The following ASH1L variants were observed in gnomAD, a reference collection of about 807,000 sequenced individuals.
The protein encoded by ASH1L is histone-lysine N-methyltransferase ASH1L.
ASH1L carries 23 observed loss-of-function variants against 269.0 expected under a neutral mutation model. That is an observed-to-expected ratio of 0.09 (90% CI 0.06 to 0.12). The LOEUF is 0.12. Ranked by LOEUF, ASH1L falls within the 10% of genes least tolerant of loss-of-function variation. The pLI is 1.00. For synonymous variants in ASH1L, 1,187 were observed against 1,253.5 expected (o/e 0.95, Z 1.12); for missense variants, 2,912 against 3,567.8 (o/e 0.82, Z 4.68).
At chr1:155,514,460 C>T (rs1272347711) in intron 2 of ASH1L, among the ~76,000 whole-genome samples, 1 of 152,010 alleles carries the variant, frequency 6.6e-6, no homozygotes, top group Non-Finnish European at 1.5e-5. Context: ...TATTGGAATA[C>T]GTTCTTAAAT....
rs1441242679 is a variant in ASH1L at position 155,478,475 on chromosome 1, G to C, written c.4395C>G (p.Thr1465=). 18 of 1,613,996 alleles carry C rather than the reference G, an allele frequency of 1.1e-5. No individual in the cohort carries two copies. The highest frequency in any genetic ancestry group is 1.4e-5 in the Non-Finnish European group (17 of 1,180,026). The change falls in exon 3 of 28, where the codon ACC becomes ACG. Residue 1465 remains threonine, a synonymous_variant. Coordinates refer to ENST00000392403, the MANE Select transcript of ASH1L (RefSeq NM_018489.3). The surrounding 1 kb of genome is among the most constrained non-coding windows in gnomAD (Gnocchi z 4.6). ...TSRTPLLSMS[T]YPSVPPEMAY... ...CCATCTCAGGAGGAACACTGGGGTA[G>C]GTACTCATGGAAAGGAGGGGAGTCC...
At chr1:155,506,671 G>A (rs1353761874) in intron 2 of ASH1L, among the ~76,000 whole-genome samples, 2 of 151,986 alleles carry the variant, frequency 1.3e-5, no homozygotes, top group Non-Finnish European at 2.9e-5. Flanking sequence ...GAACTGCCTG[G>A]GCAATGGACC....
chr1:155,403,520 A>G (rs961592625), intron 6 of ASH1L, among the ~76,000 whole-genome samples: 8 of 152,212 alleles, frequency 5.3e-5, no homozygotes, highest in Admixed American at 3.3e-4. Flanking sequence ...AATATTAATA[A>G]TACCTGTTCT....
chr1:155,351,662 A>C lies in ASH1L; in HGVS notation c.7366+1044T>G, dbSNP rs574553911. 3.3e-5 allele frequency among the ~76,000 whole-genome samples: 5 copies of C among 152,164 alleles called. No homozygotes were observed. The South Asian group carries it at 1.0e-3, about 32-fold the overall frequency. On this transcript the variant is annotated intron_variant, in intron 17 of 27. Transcript: ENST00000392403. ...TCAGGAGTTCAAGACCAGCCTGGCC[A>C]ATATGGTGAAACACTGTCTCTACTA...
intron 2 of ASH1L, among the ~76,000 whole-genome samples, chr1:155,512,447 A>AC (rs1451522027): frequency 1.9e-5 from 2 of 108,074 alleles, no homozygotes; most frequent in Non-Finnish European, 3.9e-5. Flanking sequence ...AGGATCTTAG[A>AC]CTTTTTTTTT....
chr1:155,466,426 C>A (rs1558135277), intron 3 of ASH1L, among the ~76,000 whole-genome samples: 1 of 152,044 alleles, frequency 6.6e-6, no homozygotes, highest in Non-Finnish European at 1.5e-5. Flanking sequence ...TTCATAATGC[C>A]CAAATGACAT....
At chr1:155,401,383 CAGG>C (rs1209580303) in intron 6 of ASH1L, among the ~76,000 whole-genome samples, 1 of 150,360 alleles carries the variant, frequency 6.7e-6, no homozygotes, top group Non-Finnish European at 1.5e-5. Flanking sequence ...GAGGCTGAGG[CAGG>C]AGAATTGCCT....
intron 12 of ASH1L, among the ~76,000 whole-genome samples, chr1:155,366,775 G>A (rs972150706): frequency 2.0e-5 from 3 of 152,020 alleles, no homozygotes; most frequent in African/African-American, 7.2e-5. Context: ...CGGAGTTGAA[G>A]CAATTCTCCT....
chr1:155,475,040 T>C (rs1417272753), intron 3 of ASH1L, among the ~76,000 whole-genome samples: 1 of 152,254 alleles, frequency 6.6e-6, no homozygotes, highest in Non-Finnish European at 1.5e-5. Flanking sequence ...CATTTCTCAC[T>C]ACTCTCTCTG....
chr1:155,511,946 G>A (rs1172483963), intron 2 of ASH1L, among the ~76,000 whole-genome samples: 1 of 151,980 alleles, frequency 6.6e-6, no homozygotes, highest in Non-Finnish European at 1.5e-5. Flanking sequence ...AAGTAGCTGG[G>A]ATTACAGGCA....
rs1349557908 is a variant in ASH1L at position 155,479,103 on chromosome 1, T to G, written c.3767A>C (p.Asn1256Thr). The G allele has an allele frequency of 2.5e-6, 4 of 1,614,054 alleles. No homozygotes were observed. In the Admixed American group the frequency reaches 6.7e-5, roughly 27 times the overall value. The change falls in exon 3 of 28, where the codon AAT becomes ACT. Residue 1256 changes from asparagine (N) to threonine (T), a missense_variant. Physicochemically the swap from Asn to Thr is moderately conservative, Grantham distance 65. This residue lies in a region of ASH1L where 789 missense variants were observed against 897.6 expected (regional missense o/e 0.88). Coordinates refer to ENST00000392403, the MANE Select transcript of ASH1L (RefSeq NM_018489.3). Reference sequence around the variant, plus strand: ...CTTGTCATAGCTGAGGTAATCATGATTCCTGCGCTTACATTTGTGTTTATG... The same window carrying G: ...CTTGTCATAGCTGAGGTAATCATGAGTCCTGCGCTTACATTTGTGTTTATG... Reference protein sequence around the residue: ...EKHKHKCKRRNHDYLSYDKMK... With the variant: ...EKHKHKCKRRTHDYLSYDKMK...
intron 6 of ASH1L, among the ~76,000 whole-genome samples, chr1:155,403,398 C>G (rs557967111): frequency 6.6e-6 from 1 of 152,172 alleles, no homozygotes; most frequent in Non-Finnish European, 1.5e-5. Context: ...ACAAACAACT[C>G]TGCAGCCAAT....
At chr1:155,412,184 G>A (rs1447908720) in intron 6 of ASH1L, among the ~76,000 whole-genome samples, 1 of 151,622 alleles carries the variant, frequency 6.6e-6, no homozygotes, top group Non-Finnish European at 1.5e-5. Context: ...GGAGGTTGCA[G>A]TGAGCCAAGA....
At chr1:155,358,163 T>C (rs764472313) in intron 13 of ASH1L, among the ~76,000 whole-genome samples, 20 of 152,060 alleles carry the variant, frequency 1.3e-4, no homozygotes, top group South Asian at 2.1e-4. Flanking sequence ...ATCAAGAAAT[T>C]TGCATATAGG....
intron 6 of ASH1L, among the ~76,000 whole-genome samples, chr1:155,407,547 T>C (rs1483569425): frequency 1.3e-5 from 2 of 152,106 alleles, no homozygotes; most frequent in East Asian, 1.9e-4. Context: ...ACTGGTTAGA[T>C]AGACTATGAA....
intron 1 of ASH1L, among the ~76,000 whole-genome samples, chr1:155,554,948 G>T (rs1671481266): frequency 6.6e-6 from 1 of 151,912 alleles, no homozygotes; most frequent in Non-Finnish European, 1.5e-5. Context: ...TTAGAGATCA[G>T]CCTGGCCAAC....
intron 2 of ASH1L, among the ~76,000 whole-genome samples, chr1:155,515,830 C>CT (rs1470162937): frequency 1.5e-5 from 2 of 131,342 alleles, no homozygotes; most frequent in Non-Finnish European, 3.2e-5. Flanking sequence ...GAGACTCTGC[C>CT]TTAAAAAAAA....
chr1:155,440,091 C>G (rs1256868471), intron 4 of ASH1L, among the ~76,000 whole-genome samples: 1 of 152,060 alleles, frequency 6.6e-6, no homozygotes, highest in African/African-American at 2.4e-5. Flanking sequence ...GGAAGGATCA[C>G]TTGATGCCAG....
chr1:155,362,431 T>C (rs1655049334), intron 12 of ASH1L, among the ~76,000 whole-genome samples: 1 of 152,010 alleles, frequency 6.6e-6, no homozygotes, highest in African/African-American at 2.4e-5. Flanking sequence ...GTCATTATCA[T>C]TATAGCTAAC....
Sources: allele counts gnomAD v4.1 joint callset (sites outside exome capture counted in the v4.1 genomes callset), GRCh38; gene constraint gnomAD v4.1.1; regional missense constraint gnomAD v4.1.1; non-coding constraint Gnocchi (gnomAD v3.1); transcripts MANE v1.5; gene names NCBI Gene and HGNC (gene_info 2026-07-23, HGNC 2026-07-21).